Variants in CCDC61 observed in about 807,000 individuals in gnomAD.
CCDC61 encodes the protein centrosomal protein CCDC61.
CCDC61 carries 55 observed loss-of-function variants against 63.0 expected under a neutral mutation model. That is an observed-to-expected ratio of 0.87 (90% CI 0.70 to 1.09). The LOEUF (loss-of-function observed/expected upper bound fraction) is 1.09. Ranked by LOEUF, CCDC61 falls within the 50% of genes least tolerant of loss-of-function variation. The pLI, the probability that CCDC61 is intolerant of heterozygous loss-of-function variation, is 0.00. For missense variants in CCDC61, 651 were observed against 731.4 expected (o/e 0.89, Z 1.27); for synonymous variants, 270 against 317.0 (o/e 0.85, Z 1.58).
chr19:46,009,706 C>A (rs2146473866), intron 5 of CCDC61, among the ~76,000 whole-genome samples: 1 of 152,330 alleles, frequency 6.6e-6, no homozygotes, highest in East Asian at 1.9e-4. Context: ...GGCTGGGGAA[C>A]CCCGCCGGTC....
chr19:46,015,297 G>C lies in CCDC61; in HGVS notation c.762+38G>C. ...GGCCCGGGGCGGCCAGCGAGGCGCG[G>C]ACCTCGGCCTCAGCCTGGACCTCCG... On this transcript the variant is annotated intron_variant, in intron 6 of 13. Transcript: ENST00000595358. This position sits in a 1 kb window ranked among gnomAD's most constrained non-coding sequence, Gnocchi z 5.3. 1 of 1,567,710 alleles carries C rather than the reference G, an allele frequency of 6.4e-7. No individual in the cohort carries two copies. Among genetic ancestry groups the C allele is most frequent in the South Asian group, 1.2e-5 (1 of 86,888 alleles).
intron 3 of CCDC61, 63 bp from the exon 4 acceptor site, chr19:46,006,496 C>A: frequency 2.1e-6 from 3 of 1,445,282 alleles, no homozygotes; most frequent in Non-Finnish European, 2.8e-6. Context: ...CAGGTGTGTG[C>A]TAGGTGCCCT....
In CCDC61 at chr19:46,016,028, GC is replaced by G. The variant is rs1452367427; in HGVS notation, c.846-25del. Reference sequence around the variant, plus strand: ...TTGAGTTTGTCGGGGCGGGCGGGAAGCTGACAGCTGCCTCTGTGGTCTCAGG... The same window carrying G: ...TTGAGTTTGTCGGGGCGGGCGGGAAGTGACAGCTGCCTCTGTGGTCTCAGG... On this transcript the variant is annotated intron_variant, in intron 7 of 13. Coordinates refer to ENST00000595358, the MANE Select transcript of CCDC61 (RefSeq NM_001267723.2). This position sits in a 1 kb window ranked among gnomAD's most constrained non-coding sequence, Gnocchi z 7.2. The G allele has an allele frequency of 1.6e-5, 20 of 1,235,016 alleles. No homozygotes were observed. The highest frequency in any genetic ancestry group is 1.9e-5 in the Non-Finnish European group (19 of 990,936). The allele number at this position is 1,235,016 out of a possible 1,614,324, so 76.5% of individuals were successfully genotyped here. A position where few individuals can be genotyped will look rare whatever the true frequency, so the allele number is the denominator to read the frequency against.
Position 46,016,390 on chromosome 19 carries a change from T to G in CCDC61, c.1088T>G (p.Met363Arg). The change falls in exon 9 of 14, where the codon ATG becomes AGG. Residue 363 changes from methionine to arginine, a missense_variant. Coordinates refer to ENST00000595358, the MANE Select transcript of CCDC61 (RefSeq NM_001267723.2). The surrounding 1 kb of genome is among the most constrained non-coding windows in gnomAD (Gnocchi z 7.2). ...GAAAGGAAGCAGAGAGAGATCCAGA[T>G]GAAGTCAGTGCCCCTTCCTCCCTCA... is the stretch of plus-strand genomic sequence containing the variant. ...AKERKQREIQ[M>R]KQQQRNRLGS... 1 of 1,613,706 alleles carries G rather than the reference T, an allele frequency of 6.2e-7. No homozygotes were observed. The highest frequency in any genetic ancestry group is 8.5e-7 in the Non-Finnish European group (1 of 1,179,832).
intron 1 of CCDC61, among the ~76,000 whole-genome samples, chr19:46,002,394 A>G (rs571451259): frequency 6.6e-6 from 1 of 152,080 alleles, no homozygotes; most frequent in South Asian, 2.1e-4. Flanking sequence ...AATTAATACT[A>G]ATATTAATCA....
At chr19:46,000,302 A>C (rs1968566981) in intron 1 of CCDC61, among the ~76,000 whole-genome samples, 1 of 152,016 alleles carries the variant, frequency 6.6e-6, no homozygotes, top group Admixed American at 6.6e-5. Context: ...TGAAAGTGGG[A>C]TGTGTGGAGC....
rs117212649 is a variant in CCDC61, at chr19:46,010,913, T to C, written c.551+2612T>C. 1.1e-4 allele frequency among the ~76,000 whole-genome samples: 16 copies of C among 152,368 alleles called. No homozygotes were observed. In the East Asian group the frequency reaches 3.1e-3, roughly 29 times the overall value. On this transcript the variant is annotated intron_variant, in intron 5 of 13. Coordinates refer to ENST00000595358, the MANE Select transcript of CCDC61 (RefSeq NM_001267723.2). ...AATTCACAAAAATTCCAGGATGTCA[T>C]CTGAAACCCACTGCGTATGCGTTCA...
chr19:46,011,573 G>T (rs1968829481), intron 5 of CCDC61, among the ~76,000 whole-genome samples: 3 of 152,204 alleles, frequency 2.0e-5, no homozygotes, highest in South Asian at 4.1e-4. Context: ...TACTTGCAGT[G>T]AAGTGGTGGC....
At chr19:46,017,223 T>G in intron 11 of CCDC61, 24 bp from the exon 12 acceptor site, 1 of 1,557,398 alleles carries the variant, frequency 6.4e-7, no homozygotes, top group Non-Finnish European at 8.7e-7. Context: ...CCACCACTGG[T>G]CCTTGGTTAC....
chr19:46,014,990 G>A (rs984801336), intron 5 of CCDC61, 59 bp from the exon 6 acceptor site: 4 of 1,357,552 alleles, frequency 2.9e-6, no homozygotes, highest in Admixed American at 4.5e-5. Context: ...CCACCCCCAT[G>A]GAGTAGTGGG....
At chr19:46,003,610 T>G in intron 3 of CCDC61, 109 bp downstream of exon 3, 1 of 678,826 alleles carries the variant, frequency 1.5e-6, no homozygotes. Flanking sequence ...TCTCTTTCAT[T>G]GTGGGAAGAG....
chr19:46,013,009 G>A (rs1456108290), intron 5 of CCDC61, among the ~76,000 whole-genome samples: 1 of 151,486 alleles, frequency 6.6e-6, no homozygotes, highest in Non-Finnish European at 1.5e-5. Flanking sequence ...ATGGCACCAT[G>A]CCAAGCTATT....
Position 46,017,236 on chromosome 19 carries a change from C to A in CCDC61, c.1311-11C>A. 1.3e-6 allele frequency: 2 copies of A among 1,560,022 alleles called. No individual in the cohort carries two copies. Among genetic ancestry groups the A allele is most frequent in the Non-Finnish European group, 1.7e-6 (2 of 1,151,512 alleles). ...CCCCACCACTGGTCCTTGGTTACTCCTTTTTCTCAGGGGTCACCGCCGCCG... is the reference window on the plus strand; with the variant it reads ...CCCCACCACTGGTCCTTGGTTACTCATTTTTCTCAGGGGTCACCGCCGCCG... On this transcript the variant is annotated splice_polypyrimidine_tract_variant and intron_variant, in intron 11 of 13. Transcript: ENST00000595358.
chr19:45,995,469 T>C lies in CCDC61; in HGVS notation c.-47T>C. 1 of 531,350 alleles carries C rather than the reference T, an allele frequency of 1.9e-6. No homozygotes were observed. Among genetic ancestry groups the C allele is most frequent in the Non-Finnish European group, 3.9e-6 (1 of 258,792 alleles). 32.9% of individuals were successfully genotyped at this position (531,350 alleles called of 1,614,324 possible). On this transcript the variant is annotated 5_prime_UTR_variant, in exon 1 of 14. Coordinates refer to ENST00000595358, the MANE Select transcript of CCDC61 (RefSeq NM_001267723.2). ...TGGGGCGGGGCTGGAGCTTCGTCAG[T>C]TGAACCGCTCGCGAGGAGGGTTGCT...
rs1033806606 is a variant in CCDC61 at position 46,016,097 on chromosome 19, C to T, written c.889C>T (p.Arg297Trp). 4.8e-6 allele frequency: 6 copies of T among 1,237,294 alleles called. No individual in the cohort carries two copies. Among genetic ancestry groups the T allele is most frequent in the Non-Finnish European group, 6.0e-6 (6 of 992,088 alleles). 76.6% of individuals were successfully genotyped at this position (1,237,294 alleles called of 1,614,324 possible). Reference sequence around the variant, plus strand: ...GCAGCCGCCCCCGACGCGGGAGGACCGGGCCTCATCGTCCCGGGAGCGCTC... The same window carrying T: ...GCAGCCGCCCCCGACGCGGGAGGACTGGGCCTCATCGTCCCGGGAGCGCTC... ...PVQPPPTRED[R>W]ASSSRERSAS... The change falls in exon 8 of 14, where the codon CGG becomes TGG. Residue 297 changes from arginine to tryptophan, a missense_variant. Coordinates refer to ENST00000595358, the MANE Select transcript of CCDC61 (RefSeq NM_001267723.2). This position sits in a 1 kb window ranked among gnomAD's most constrained non-coding sequence, Gnocchi z 7.2.
At chr19:46,011,704 C>A (rs573251168) in intron 5 of CCDC61, among the ~76,000 whole-genome samples, 1 of 152,186 alleles carries the variant, frequency 6.6e-6, no homozygotes, top group Non-Finnish European at 1.5e-5. Context: ...AAGTTCTCTT[C>A]GGCCTTTCAA....
At chr19:45,996,687 A>G (rs1968499213) in intron 1 of CCDC61, among the ~76,000 whole-genome samples, 2 of 152,202 alleles carry the variant, frequency 1.3e-5, no homozygotes, top group Admixed American at 1.3e-4. Flanking sequence ...GGCGTGAGCC[A>G]CCGTGCCTGG....
intron 3 of CCDC61, among the ~76,000 whole-genome samples, chr19:46,004,594 A>G (rs1968662803): frequency 6.6e-6 from 1 of 152,128 alleles, no homozygotes; most frequent in Non-Finnish European, 1.5e-5. Context: ...CCTCCCGAGT[A>G]GCTGGGACTA....
Position 46,015,381 on chromosome 19 carries a change from G to C in CCDC61, c.799G>C (p.Ala267Pro). The change falls in exon 7 of 14, where the codon GCC (alanine) becomes CCC (proline). Residue 267 changes from alanine (A) to proline (P), a missense_variant. Coordinates refer to ENST00000595358, the MANE Select transcript of CCDC61 (RefSeq NM_001267723.2). The surrounding 1 kb of genome is among the most constrained non-coding windows in gnomAD (Gnocchi z 5.3). ...GAAGGCATCGGAGCGGAGCCTGCGC[G>C]CCCGGCTGAAGACGCTGACCAGCGA... ...EAKASERSLR[A>P]RLKTLTSELA... 1 of 1,603,320 alleles carries C rather than the reference G, an allele frequency of 6.2e-7. No individual in the cohort carries two copies. Among genetic ancestry groups the C allele is most frequent in the Non-Finnish European group, 8.5e-7 (1 of 1,179,086 alleles).
Sources: gnomAD v4.1 joint callset for allele counts (sites outside exome capture counted in the v4.1 genomes callset) on GRCh38, gnomAD v4.1.1 for gene constraint, Gnocchi (gnomAD v3.1) non-coding constraint, MANE v1.5 for transcripts, NCBI Gene and HGNC (gene_info 2026-07-23, HGNC 2026-07-21) for gene names.